The following CREG1 variants were observed in gnomAD, a reference collection of about 807,000 sequenced individuals.
CREG1 encodes the protein protein CREG1.
CREG1 carries 20 observed loss-of-function variants against 19.9 expected under a neutral mutation model. That is an observed-to-expected ratio of 1.01 (90% CI 0.71 to 1.46). CREG1 has a LOEUF of 1.46. Ranked by LOEUF, CREG1 falls within the 40% of genes most tolerant of loss-of-function variation. The pLI, the probability that CREG1 is intolerant of heterozygous loss-of-function variation, is 0.00. For missense variants in CREG1, 290 were observed against 314.9 expected, an observed-to-expected ratio of 0.92 and a Z score of 0.60; for synonymous variants, 141 against 143.3, an observed-to-expected ratio of 0.98 and a Z score of 0.12.
At position 167,553,693 on chromosome 1, in the gene CREG1, G is replaced by A. The variant is rs1358210561; in HGVS notation, c.49C>T (p.Leu17=). Reference sequence around the variant, plus strand: ...AGCAGCGCCAACAGCGTCGACGCCAGCAGGGCGGCGAGCAGTGCGCGCGCG... The same window carrying A: ...AGCAGCGCCAACAGCGTCGACGCCAACAGGGCGGCGAGCAGTGCGCGCGCG... ...GSARALLAAL[L]ASTLLALLVS... is the part of the protein sequence containing the mutation. Residue 17 remains leucine (L), a synonymous_variant, in exon 1 of 4, where the codon CTG becomes TTG. Coordinates refer to ENST00000370509, the MANE Select transcript of CREG1 (RefSeq NM_003851.3). 1.5e-6 allele frequency: 2 copies of A among 1,314,226 alleles called. No homozygotes were observed. Among genetic ancestry groups the A allele is most frequent in the Non-Finnish European group, 1.9e-6 (2 of 1,038,042 alleles). 81.4% of individuals were successfully genotyped at this position (1,314,226 alleles called of 1,614,324 possible).
chr1:167,546,869 T>C (rs1656336477), intron 2 of CREG1, among the ~76,000 whole-genome samples: 1 of 152,264 alleles, frequency 6.6e-6, no homozygotes, highest in Admixed American at 6.5e-5. Context: ...GCTATTAGAA[T>C]AACTAGCACT....
intron 2 of CREG1, among the ~76,000 whole-genome samples, chr1:167,546,641 CAA>C (rs1252904833): frequency 2.2e-5 from 3 of 139,468 alleles, no homozygotes. Flanking sequence ...GACTCCATCT[CAA>C]AAAAAAAAAA....
chr1:167,551,322 G>A (rs1316061503), intron 1 of CREG1, among the ~76,000 whole-genome samples: 2 of 152,164 alleles, frequency 1.3e-5, no homozygotes, highest in African/African-American at 4.8e-5. Context: ...GAGGTCAGGA[G>A]GAGGAAAAGA....
chr1:167,545,668 G>A (rs1398136393), intron 3 of CREG1, among the ~76,000 whole-genome samples: 1 of 152,000 alleles, frequency 6.6e-6, no homozygotes, highest in Non-Finnish European at 1.5e-5. Flanking sequence ...AGCTGGGTGT[G>A]GTGGTCTATG....
In CREG1 at chr1:167,546,093, GT is replaced by G. The variant is rs755722100; in HGVS notation, c.659+7del. ...GCAATCTTAGGTGAAAGATGTGTAAGTACTTACTGAACTGTGACATTATAAT... is the reference window on the plus strand; with the variant it reads ...GCAATCTTAGGTGAAAGATGTGTAAGACTTACTGAACTGTGACATTATAAT... On this transcript the variant is annotated splice_region_variant and intron_variant, in intron 3 of 3. Coordinates refer to ENST00000370509, the MANE Select transcript of CREG1 (RefSeq NM_003851.3). The G allele has an allele frequency of 6.9e-6, 11 of 1,587,400 alleles. No homozygotes were observed. Among genetic ancestry groups the G allele is most frequent in the Non-Finnish European group, 9.4e-6 (11 of 1,166,898 alleles).
intron 1 of CREG1, among the ~76,000 whole-genome samples, chr1:167,551,493 C>T (rs1194756473): frequency 1.3e-5 from 2 of 152,326 alleles, no homozygotes; most frequent in East Asian, 1.9e-4. Context: ...GGGCTAATGT[C>T]CTACCTGACA....
At chr1:167,544,329 G>A (rs1394396259) in intron 3 of CREG1, among the ~76,000 whole-genome samples, 1 of 138,678 alleles carries the variant, frequency 7.2e-6, no homozygotes, top group African/African-American at 2.5e-5. Flanking sequence ...AAAAAAATTA[G>A]AAACAAAACA....
rs1656237410 is a variant in CREG1 at position 167,542,111 on chromosome 1, G to A, written c.*187C>T. Reference sequence around the variant, plus strand: ...AAAAAAGTAGCTACCACATCTTCCAGGAAATCCAATAACAGGTCAACTCTA... The same window carrying A: ...AAAAAAGTAGCTACCACATCTTCCAAGAAATCCAATAACAGGTCAACTCTA... On this transcript the variant is annotated 3_prime_UTR_variant, in exon 4 of 4. Coordinates refer to ENST00000370509, the MANE Select transcript of CREG1 (RefSeq NM_003851.3). 1 of 502,150 alleles carries A rather than the reference G, an allele frequency of 2.0e-6. No homozygotes were observed. The highest frequency in any genetic ancestry group is 3.5e-6 in the Non-Finnish European group (1 of 286,740). The allele number at this position is 502,150 out of a possible 1,614,324, so 31.1% of individuals were successfully genotyped here.
At position 167,553,710 on chromosome 1, in the gene CREG1, G is replaced by A. The variant is rs530328336; in HGVS notation, c.32C>T (p.Ala11Val). ...CGACGCCAGCAGGGCGGCGAGCAGT[G>A]CGCGCGCGGACCCGCGGGATAGCCC... MAGLSRGSAR[A>V]LLAALLASTL... The change falls in exon 1 of 4, where the codon GCA (alanine) becomes GTA (valine). Residue 11 changes from alanine (A) to valine (V), a missense_variant. Physicochemically the swap from Ala to Val is moderately conservative, Grantham distance 64. Coordinates refer to ENST00000370509, the MANE Select transcript of CREG1 (RefSeq NM_003851.3). The A allele has an allele frequency of 1.3e-5, 17 of 1,297,362 alleles. No individual in the cohort carries two copies. The highest frequency in any genetic ancestry group is 6.2e-5 in the East Asian group (2 of 32,082). The allele number at this position is 1,297,362 out of a possible 1,614,324, so 80.4% of individuals were successfully genotyped here. A position where few individuals can be genotyped will look rare whatever the true frequency, so the allele number is the denominator to read the frequency against.
intron 1 of CREG1, among the ~76,000 whole-genome samples, chr1:167,553,052 GAAA>G (rs61415477): frequency 4.9e-5 from 7 of 142,172 alleles, no homozygotes; most frequent in Non-Finnish European, 6.1e-5. Context: ...GTCTCAAAGG[GAAA>G]AAAAAAAAAA....
chr1:167,544,891 C>G (rs1306917223), intron 3 of CREG1, among the ~76,000 whole-genome samples: 2 of 152,158 alleles, frequency 1.3e-5, no homozygotes, highest in East Asian at 3.8e-4. Context: ...TTATCACCTC[C>G]CCAGATATGC....
At chr1:167,545,032 A>G (rs780708721) in intron 3 of CREG1, among the ~76,000 whole-genome samples, 1 of 151,868 alleles carries the variant, frequency 6.6e-6, no homozygotes. Context: ...CCTGGGCTTT[A>G]TTTTCTCCCA....
Position 167,553,637 on chromosome 1 carries a change from C to G in CREG1, c.105G>C (p.Arg35=). The change falls in exon 1 of 4, where the codon CGG becomes CGC. Residue 35 remains arginine (R), a synonymous_variant. Transcript: ENST00000370509. ...LVSPARGRGG[R]DHGDWDEASR... is the part of the protein sequence containing the mutation. ...AGGCCTCGTCCCAGTCCCCGTGGTCCCGGCCGCCGCGACCCCGCGCGGGCG... is the reference window on the plus strand; with the variant it reads ...AGGCCTCGTCCCAGTCCCCGTGGTCGCGGCCGCCGCGACCCCGCGCGGGCG... 7.4e-7 allele frequency: 1 copy of G among 1,349,072 alleles called. No homozygotes were observed. The highest frequency in any genetic ancestry group is 9.5e-7 in the Non-Finnish European group (1 of 1,055,486). The allele number at this position is 1,349,072 out of a possible 1,614,324, so 83.6% of individuals were successfully genotyped here.
chr1:167,547,620 A>G (rs374205637), intron 2 of CREG1, among the ~76,000 whole-genome samples: 1 of 152,150 alleles, frequency 6.6e-6, no homozygotes, highest in Non-Finnish European at 1.5e-5. Context: ...ACTGCATTTC[A>G]TTCTGAAAAG....
chr1:167,548,068 CTTGCAGAAG>C lies in CREG1; in HGVS notation c.399_407del (p.Asn133_Cys135del), dbSNP rs1433181533. On this transcript the variant is annotated inframe_deletion, in exon 2 of 4. Transcript: ENST00000370509. ...GACTTTGTGGATCAAATCCATGTTT[CTTGCAGAAG>C]TTGGTCTGTGCCAAAGTCATGGTCA... is the stretch of plus-strand genomic sequence containing the variant. The C allele has an allele frequency of 6.2e-7, 1 of 1,613,810 alleles. No homozygotes were observed. The highest frequency in any genetic ancestry group is 8.5e-7 in the Non-Finnish European group (1 of 1,179,692).
chr1:167,551,867 G>A (rs1009021473), intron 1 of CREG1, among the ~76,000 whole-genome samples: 5 of 152,216 alleles, frequency 3.3e-5, no homozygotes, highest in African/African-American at 4.8e-5. Context: ...TAAGAAAATG[G>A]TGAACTGGGG....
rs1168169764 is a variant in CREG1, at chr1:167,541,356, T to C, written c.*942A>G. ...TAGATTGTAGCAGCACTAGAAGCTA[T>C]TAAGAGATTTGGGGCAGTTGAGGAA... On this transcript the variant is annotated 3_prime_UTR_variant, in exon 4 of 4. Coordinates refer to ENST00000370509, the MANE Select transcript of CREG1 (RefSeq NM_003851.3). The C allele has an allele frequency of 6.6e-6, 1 of 152,202 alleles. No homozygotes were observed. Among genetic ancestry groups the C allele is most frequent in the African/African-American group, 2.4e-5 (1 of 41,446 alleles). 9.4% of individuals were successfully genotyped at this position (152,202 alleles called of 1,614,324 possible).
chr1:167,546,289 A>C lies in CREG1; in HGVS notation c.475-4T>G. 6.4e-7 allele frequency: 1 copy of C among 1,558,000 alleles called. No homozygotes were observed. Among genetic ancestry groups the C allele is most frequent in the Non-Finnish European group, 8.7e-7 (1 of 1,143,296 alleles). ...TATCCATTTCTGTTTCATTCACCTA[A>C]AGGACATATATGAAATAAACATTCT... is the stretch of plus-strand genomic sequence containing the variant. On this transcript the variant is annotated splice_region_variant and splice_polypyrimidine_tract_variant and intron_variant, in intron 2 of 3. Transcript: ENST00000370509.
Position 167,553,585 on chromosome 1 carries a change from C to A in CREG1, c.157G>T (p.Glu53Ter). The change falls in exon 1 of 4, where the codon GAG becomes TAG. Residue 53 changes from glutamate to a stop codon, truncating the protein, a stop_gained. Coordinates refer to ENST00000370509, the MANE Select transcript of CREG1 (RefSeq NM_003851.3). LOFTEE classifies it high-confidence loss of function. Reference sequence around the variant, plus strand: ...AAGCGGGCCACGCGCGCCGCGTCCTCGCGGGGTGGTAGCGGCGGCAGCCGG... The same window carrying A: ...AAGCGGGCCACGCGCGCCGCGTCCTAGCGGGGTGGTAGCGGCGGCAGCCGG... ...ASRLPPLPPR[E>*]DAARVARFVT... 1 of 1,430,752 alleles carries A rather than the reference C, an allele frequency of 7.0e-7. No individual in the cohort carries two copies. 88.6% of individuals were successfully genotyped at this position (1,430,752 alleles called of 1,614,324 possible). A position where few individuals can be genotyped will look rare whatever the true frequency, so the allele number is the denominator to read the frequency against.
Sources: allele counts gnomAD v4.1 joint callset (sites outside exome capture counted in the v4.1 genomes callset), GRCh38; gene constraint gnomAD v4.1.1; transcripts MANE v1.5; gene names NCBI Gene and HGNC (gene_info 2026-07-23, HGNC 2026-07-21).